RECQL: variants seen among roughly 807,000 people sequenced by gnomAD.
The protein encoded by RECQL is ATP-dependent DNA helicase Q1.
A neutral mutation model predicts 75.8 loss-of-function variants in RECQL; 73 were observed. The observed-to-expected ratio is 0.96, with a 90% CI of 0.80 to 1.17. The LOEUF (loss-of-function observed/expected upper bound fraction) is 1.17. RECQL is among the 50% of genes most tolerant of loss of function. The pLI is 0.00. For missense variants in RECQL, 699 were observed against 772.1 expected (o/e 0.91, Z 1.12); for synonymous variants, 248 against 254.4 (o/e 0.97, Z 0.24).
chr12:21,474,890 C>G lies in RECQL; in HGVS notation c.1306G>C (p.Gly436Arg), dbSNP rs1565563960. Residue 436 changes from glycine to arginine, a missense_variant, in exon 11 of 15, where the codon GGA becomes CGA. Gly to Arg is a moderately radical substitution (Grantham distance 125). Around this residue, in one of 2 missense-constraint regions of RECQL, gnomAD observed 669 missense variants for 713.5 expected, o/e 0.94. Coordinates refer to ENST00000444129, the MANE Select transcript of RECQL (RefSeq NM_002907.4). ...ISSMVVMENV[G>R]QQKLYEMVSY... The stretch of plus-strand genomic sequence containing the variant: ...ACCATCTCATAAAGCTTCTGCTGTC[C>G]CACATTTTCCATCACCACCATTGAA... 6.2e-7 allele frequency: 1 copy of G among 1,613,106 alleles called. No homozygotes were observed. The highest frequency in any genetic ancestry group is 8.5e-7 in the Non-Finnish European group (1 of 1,179,194).
chr12:21,498,126 A>C (rs1333259668), intron 2 of RECQL, among the ~76,000 whole-genome samples: 1 of 152,224 alleles, frequency 6.6e-6, no homozygotes, highest in East Asian at 1.9e-4. Context: ...AACAAAGCAC[A>C]ACAGAAGGCT....
chr12:21,483,574 C>G lies in RECQL; in HGVS notation c.502G>C (p.Glu168Gln), dbSNP rs1291025783. ...ATMLNASSSK[E>Q]HVKWVHAEMV... ...TCAGCATGAACCCATTTAACATGCT[C>G]CTATTAAAAGAAAAAAATAGACACA... Residue 168 changes from glutamate (E) to glutamine (Q), a missense_variant and splice_region_variant, in exon 6 of 15, where the codon GAG (glutamate) becomes CAG (glutamine). Physicochemically the swap from Glu to Gln is conservative, Grantham distance 29. Coordinates refer to ENST00000444129, the MANE Select transcript of RECQL (RefSeq NM_002907.4). 1 of 1,561,518 alleles carries G rather than the reference C, an allele frequency of 6.4e-7. No homozygotes were observed. The highest frequency in any genetic ancestry group is 1.4e-5 in the African/African-American group (1 of 71,382).
intron 5 of RECQL, among the ~76,000 whole-genome samples, chr12:21,485,108 AG>A (rs1943265034): frequency 1.3e-5 from 2 of 151,876 alleles, no homozygotes; most frequent in African/African-American, 4.8e-5. Flanking sequence ...TGATAACCAG[AG>A]ATCAGGCAGA....
At chr12:21,486,612 C>T in intron 4 of RECQL, 27 bp from the exon 5 acceptor site, 2 of 1,444,846 alleles carry the variant, frequency 1.4e-6, no homozygotes, top group Non-Finnish European at 9.4e-7. Context: ...AAAAAATCTA[C>T]CTTAAACTTT....
In RECQL at chr12:21,491,575, G is replaced by A. The variant is rs1406943068; in HGVS notation, c.158C>T (p.Ser53Phe). ...ATATTCATTGCTTGCCCCGGCATCAGAATCCTCTAAACACTGCTTTATTTT... is the reference window on the plus strand; with the variant it reads ...ATATTCATTGCTTGCCCCGGCATCAAAATCCTCTAAACACTGCTTTATTTT... ...TKKIKQCLED[S>F]DAGASNEYDS... is the part of the protein sequence containing the mutation. Residue 53 changes from serine (S) to phenylalanine (F), a missense_variant, in exon 3 of 15, where the codon TCT becomes TTT. Ser to Phe is a radical substitution (Grantham distance 155). This residue lies in a region of RECQL where 669 missense variants were observed against 713.5 expected (regional missense o/e 0.94). Coordinates refer to ENST00000444129, the MANE Select transcript of RECQL (RefSeq NM_002907.4). 3.1e-6 allele frequency: 5 copies of A among 1,611,834 alleles called. No homozygotes were observed. The highest frequency in any genetic ancestry group is 4.2e-6 in the Non-Finnish European group (5 of 1,179,654).
At position 21,477,928 on chromosome 12, in the gene RECQL, C is replaced by T. The variant is rs202110155; in HGVS notation, c.742G>A (p.Ala248Thr). The part of the protein sequence containing the change: ...LGILKRQFPN[A>T]SLIGLTATAT... ...GTTGCAGTCAGCCCAATTAGTGATG[C>T]GTTAGGGAACTGCCGCTTTAAGATA... Residue 248 changes from alanine (A) to threonine (T), a missense_variant, in exon 7 of 15, where the codon GCA becomes ACA. Transcript: ENST00000444129. 99 of 1,611,986 alleles carry T rather than the reference C, an allele frequency of 6.1e-5. No homozygotes were observed. In the East Asian group the frequency reaches 1.3e-3, roughly 21 times the overall value.
intron 12 of RECQL, among the ~76,000 whole-genome samples, chr12:21,472,119 T>A (rs1188717742): frequency 2.0e-5 from 3 of 152,100 alleles, no homozygotes; most frequent in Non-Finnish European, 4.4e-5. Flanking sequence ...TCTAATAAAC[T>A]CATAAATTTC....
rs201737130 is a variant in RECQL at position 21,499,561 on chromosome 12, C to T, written c.10G>A (p.Val4Ile). ...TGTAATCATTGCTACTAACCTGAAA[C>T]GGACGCCATTCTTTTTCTTTCCAAA... Reference protein sequence around the residue: MASVSALTEELDSI... With the variant: MASISALTEELDSI... Residue 4 changes from valine to isoleucine, a missense_variant, in exon 2 of 15, where the codon GTT becomes ATT. Val to Ile is a conservative substitution (Grantham distance 29). Transcript: ENST00000444129. The T allele has an allele frequency of 3.6e-5, 58 of 1,593,672 alleles. No homozygotes were observed. The highest frequency in any genetic ancestry group is 6.8e-5 in the African/African-American group (5 of 73,958).
intron 2 of RECQL, among the ~76,000 whole-genome samples, chr12:21,496,533 C>A (rs1386178120): frequency 6.6e-6 from 1 of 152,180 alleles, no homozygotes; most frequent in Non-Finnish European, 1.5e-5. Context: ...TAGCTCTCTG[C>A]ATTGATGATA....
intron 6 of RECQL, among the ~76,000 whole-genome samples, chr12:21,479,268 GT>G (rs1410705512): frequency 6.6e-6 from 1 of 151,996 alleles, no homozygotes; most frequent in East Asian, 1.9e-4. Context: ...TACAAGGCAG[GT>G]TTAAGAAAAG....
intron 4 of RECQL, 40 bp downstream of exon 4, chr12:21,490,159 A>T: frequency 8.6e-7 from 1 of 1,157,820 alleles, no homozygotes; most frequent in Non-Finnish European, 1.2e-6. Flanking sequence ...ATGATGACAA[A>T]GCACTTCTTC....
intron 8 of RECQL, among the ~76,000 whole-genome samples, chr12:21,476,027 C>T (rs1034153230): frequency 6.6e-6 from 1 of 151,938 alleles, no homozygotes; most frequent in African/African-American, 2.4e-5. Flanking sequence ...CAGAAATGAG[C>T]CTGAGCCATC....
intron 6 of RECQL, among the ~76,000 whole-genome samples, chr12:21,481,615 A>T (rs1943193512): frequency 6.6e-6 from 1 of 152,136 alleles, no homozygotes; most frequent in African/African-American, 2.4e-5. Flanking sequence ...AAGGCATTTA[A>T]ATCTATTTAA....
At chr12:21,473,007 ACTTTTC>A (rs1295450429) in intron 12 of RECQL, among the ~76,000 whole-genome samples, 12 of 152,248 alleles carry the variant, frequency 7.9e-5, no homozygotes, top group African/African-American at 2.4e-4. Flanking sequence ...TACACATAAG[ACTTTTC>A]CTTTTATTCA....
intron 6 of RECQL, among the ~76,000 whole-genome samples, chr12:21,481,136 A>G (rs1489872426): frequency 6.6e-6 from 1 of 152,172 alleles, no homozygotes; most frequent in Non-Finnish European, 1.5e-5. Flanking sequence ...TGATTTTTTA[A>G]GACAGAGAAG....
chr12:21,499,361 AATGCAT>A (rs1943563518), intron 2 of RECQL, among the ~76,000 whole-genome samples, 188 bp downstream of exon 2: 2 of 152,236 alleles, frequency 1.3e-5, no homozygotes, highest in Non-Finnish European at 2.9e-5. Flanking sequence ...CAACAGTCTA[AATGCAT>A]TTAATGCCAA....
At chr12:21,495,688 GGT>G (rs751340785) in intron 2 of RECQL, among the ~76,000 whole-genome samples, 5 of 152,208 alleles carry the variant, frequency 3.3e-5, no homozygotes, top group Non-Finnish European at 7.3e-5. Context: ...AAAATGCCAT[GGT>G]GATCCACCAG....
At position 21,483,651 on chromosome 12, in the gene RECQL, C is replaced by T. The variant is rs114458580; in HGVS notation, c.502-77G>A. On this transcript the variant is annotated intron_variant, in intron 5 of 14. Coordinates refer to ENST00000444129, the MANE Select transcript of RECQL (RefSeq NM_002907.4). ...TGAAATACTAGGTGGTAAATGAAAA[C>T]GTTCATTTCTCCAAAGCAATAATAG... The T allele has an allele frequency of 9.0e-5, 94 of 1,047,250 alleles. 1 individual carries two copies. The African/African-American group carries it at 1.2e-3, about 14-fold the overall frequency. 64.9% of individuals were successfully genotyped at this position (1,047,250 alleles called of 1,614,324 possible).
chr12:21,490,084 C>A, intron 4 of RECQL, 115 bp downstream of exon 4: 1 of 514,970 alleles, frequency 1.9e-6, no homozygotes, highest in Non-Finnish European at 3.2e-6. Flanking sequence ...AGAAATCAAA[C>A]AAAAATGCAC....
Sources: gnomAD v4.1 joint callset for allele counts (sites outside exome capture counted in the v4.1 genomes callset) on GRCh38, gnomAD v4.1.1 for gene constraint, gnomAD v4.1.1 regional missense constraint, MANE v1.5 for transcripts, NCBI Gene and HGNC (gene_info 2026-07-23, HGNC 2026-07-21) for gene names.